Variants in MCTP1 observed in about 807,000 individuals in gnomAD.
MCTP1 encodes the protein multiple C2 and transmembrane domain containing 1, also known as multiple C2 and transmembrane domain-containing protein 1.
Under a neutral mutation model 120.6 loss-of-function variants are expected in MCTP1, and 69 were observed. That is an observed-to-expected ratio of 0.57 (90% confidence interval 0.47 to 0.70). The LOEUF (loss-of-function observed/expected upper bound fraction) is 0.70. Among genes scored for constraint, MCTP1 ranks in the 30% least tolerant of loss-of-function variants. The pLI, the probability that MCTP1 is intolerant of heterozygous loss-of-function variation, is 0.00. For synonymous variants in MCTP1, 529 were observed against 493.1 expected (o/e 1.07, Z -0.96); for missense variants, 1,203 against 1,248.8 (o/e 0.96, Z 0.55).
At chr5:95,150,720 T>G (rs1417229476) in intron 1 of MCTP1, among the ~76,000 whole-genome samples, 1 of 152,104 alleles carries the variant, frequency 6.6e-6, no homozygotes, top group African/African-American at 2.4e-5. Context: ...AATTTCCATT[T>G]CTAATGTCTA....
intron 17 of MCTP1, among the ~76,000 whole-genome samples, chr5:94,815,404 A>G (rs1031133110): frequency 5.9e-5 from 9 of 152,156 alleles, no homozygotes; most frequent in Non-Finnish European, 1.2e-4. Flanking sequence ...CTATCTATCA[A>G]TTGCTGCAAT....
intron 19 of MCTP1, among the ~76,000 whole-genome samples, chr5:94,752,660 A>T (rs1010684405): frequency 3.3e-5 from 5 of 152,218 alleles, no homozygotes; most frequent in African/African-American, 1.2e-4. Flanking sequence ...TTACCTGAGT[A>T]TGAAAAAAGA....
chr5:94,978,784 C>T, intron 2 of MCTP1, among the ~76,000 whole-genome samples: 1 of 152,058 alleles, frequency 6.6e-6, no homozygotes, highest in East Asian at 1.9e-4. Context: ...TGCTGTACAA[C>T]ATTGCTCCTA....
chr5:94,976,947 C>T (rs1828246216), intron 2 of MCTP1: 1 of 152,100 alleles, frequency 6.6e-6, no homozygotes, highest in East Asian at 1.9e-4. Flanking sequence ...CACTTCCATT[C>T]AACATAGGAC....
At chr5:94,875,961 G>GAT (rs1798785859) in intron 12 of MCTP1, among the ~76,000 whole-genome samples, 1 of 151,988 alleles carries the variant, frequency 6.6e-6, no homozygotes, top group Middle Eastern at 3.2e-3. Flanking sequence ...TGTTATGTTT[G>GAT]ACTTATTTAG....
chr5:94,820,665 T>C (rs933572001), intron 17 of MCTP1, among the ~76,000 whole-genome samples: 4 of 152,186 alleles, frequency 2.6e-5, no homozygotes, highest in South Asian at 4.1e-4. Context: ...CTGTCCCTAA[T>C]TGGCAACAGA....
chr5:94,787,101 CAAT>C (rs141267438), intron 18 of MCTP1, among the ~76,000 whole-genome samples: 2,646 of 152,290 alleles, frequency 0.017, 66 homozygotes, highest in African/African-American at 0.061. Context: ...CTTTTGGACT[CAAT>C]GATGATTTCA....
intron 1 of MCTP1, among the ~76,000 whole-genome samples, chr5:95,035,558 G>A (rs756763516): frequency 4.0e-5 from 6 of 151,872 alleles, no homozygotes; most frequent in Non-Finnish European, 8.8e-5. Context: ...CAGACAACAG[G>A]AACTCCAAAA....
chr5:95,192,860 T>C (rs1161041872), intron 1 of MCTP1, among the ~76,000 whole-genome samples: 2 of 152,106 alleles, frequency 1.3e-5, no homozygotes, highest in South Asian at 2.1e-4. Context: ...TATTTTTCCA[T>C]ATCAGCAGGA....
intron 1 of MCTP1, among the ~76,000 whole-genome samples, chr5:95,020,996 T>C (rs1229126485): frequency 1.3e-5 from 2 of 152,120 alleles, no homozygotes; most frequent in Non-Finnish European, 2.9e-5. Context: ...CCCTTCTTTC[T>C]TGTTTTTCAA....
intron 1 of MCTP1, among the ~76,000 whole-genome samples, chr5:95,278,241 A>G (rs1760011928): frequency 6.6e-6 from 1 of 152,232 alleles, no homozygotes; most frequent in African/African-American, 2.4e-5. Flanking sequence ...GGTGAAGAGC[A>G]AATTAAAATG....
At chr5:94,995,831 G>A (rs66789646) in intron 2 of MCTP1, among the ~76,000 whole-genome samples, 7,631 of 152,142 alleles carry the variant, frequency 0.05, 296 homozygotes, top group East Asian at 0.087. Context: ...TGCTCAAAAG[G>A]GAATGATAGA....
intron 1 of MCTP1, among the ~76,000 whole-genome samples, chr5:95,277,100 T>C (rs1480434328): frequency 6.6e-6 from 1 of 152,026 alleles, no homozygotes; most frequent in Non-Finnish European, 1.5e-5. Flanking sequence ...AGTGAGGATG[T>C]ATAGGCAGGA....
chr5:94,816,561 A>T (rs921274715), intron 17 of MCTP1, among the ~76,000 whole-genome samples: 12 of 152,154 alleles, frequency 7.9e-5, no homozygotes, highest in Non-Finnish European at 1.5e-4. Flanking sequence ...ATGAAAGAAT[A>T]ATTATAACTA....
chr5:94,843,329 A>C (rs905020137), intron 17 of MCTP1, among the ~76,000 whole-genome samples: 3 of 152,184 alleles, frequency 2.0e-5, no homozygotes, highest in Non-Finnish European at 2.9e-5. Context: ...TAATGGGTAC[A>C]TAGAGTGGTT....
intron 19 of MCTP1, among the ~76,000 whole-genome samples, chr5:94,715,750 G>A (rs1418382514): frequency 1.3e-5 from 2 of 152,316 alleles, no homozygotes; most frequent in Admixed American, 6.5e-5. Flanking sequence ...TGGCATCACA[G>A]GCACTTGCCT....
intron 17 of MCTP1, among the ~76,000 whole-genome samples, chr5:94,812,649 A>C (rs1783678017): frequency 6.6e-6 from 1 of 151,850 alleles, no homozygotes; most frequent in Non-Finnish European, 1.5e-5. Flanking sequence ...CTGTAGTCTT[A>C]GCTACTTAGG....
At chr5:94,819,442 A>C (rs1785187877) in intron 17 of MCTP1, among the ~76,000 whole-genome samples, 2 of 151,874 alleles carry the variant, frequency 1.3e-5, no homozygotes, top group Non-Finnish European at 2.9e-5. Flanking sequence ...AACTACTTCA[A>C]ATTTATACTC....
intron 18 of MCTP1, among the ~76,000 whole-genome samples, chr5:94,789,837 T>C (rs1035899629): frequency 1.3e-5 from 2 of 152,218 alleles, no homozygotes; most frequent in African/African-American, 2.4e-5. Context: ...TTAGTGCCTA[T>C]AAATATTCAA....
Sources: gnomAD v4.1 joint callset for allele counts (sites outside exome capture counted in the v4.1 genomes callset) on GRCh38, gnomAD v4.1.1 for gene constraint, MANE v1.5 for transcripts, NCBI Gene and HGNC (gene_info 2026-07-23, HGNC 2026-07-21) for gene names.